The following DLG5 variants were observed in gnomAD, a reference collection of about 807,000 sequenced individuals.
DLG5 encodes disks large homolog 5.
DLG5 carries 48 observed loss-of-function variants against 189.8 expected under a neutral mutation model. That is an observed-to-expected ratio of 0.25 (90% CI 0.20 to 0.32). The LOEUF (loss-of-function observed/expected upper bound fraction) is 0.32, where lower values mean the gene tolerates loss of function less well. Among genes scored for constraint, DLG5 ranks in the 10% least tolerant of loss-of-function variants. The pLI is 1.00. For synonymous variants in DLG5, 1,016 were observed against 1,054.1 expected (o/e 0.96, Z 0.70); for missense variants, 2,160 against 2,544.7 (o/e 0.85, Z 3.25).
intron 1 of DLG5, among the ~76,000 whole-genome samples, chr10:77,877,266 C>T (rs576583572): frequency 3.3e-5 from 5 of 151,598 alleles, no homozygotes; most frequent in East Asian, 3.9e-4. Context: ...ACCCTTCACT[C>T]GCTAACTACA....
At chr10:77,921,656 C>CCA (rs1297701650) in intron 1 of DLG5, among the ~76,000 whole-genome samples, 11 of 152,326 alleles carry the variant, frequency 7.2e-5, no homozygotes, top group Non-Finnish European at 1.3e-4. Flanking sequence ...CCTACGCAGC[C>CCA]CACACGTCCT....
chr10:77,807,721 C>A, intron 25 of DLG5, 75 bp downstream of exon 25: 1 of 1,526,584 alleles, frequency 6.6e-7, no homozygotes, highest in Non-Finnish European at 8.9e-7. Flanking sequence ...GAGAGCCATT[C>A]ACCAGGAAAA....
At chr10:77,843,837 CT>C in intron 5 of DLG5, 131 bp from the exon 6 acceptor site, 1 of 1,169,804 alleles carries the variant, frequency 8.5e-7, no homozygotes, top group Non-Finnish European at 1.2e-6. Flanking sequence ...TACCCTAAAG[CT>C]TTTGAGAGTC....
At chr10:77,811,329 A>C (rs1433769220) in intron 22 of DLG5, 95 bp from the exon 23 acceptor site, 6 of 1,477,796 alleles carry the variant, frequency 4.1e-6, no homozygotes, top group Non-Finnish European at 4.6e-6. Context: ...ATAAATGGGG[A>C]CCAGGTCACA....
chr10:77,854,264 T>G lies in DLG5; in HGVS notation c.643A>C (p.Arg215=). The G allele has an allele frequency of 6.2e-7, 1 of 1,614,182 alleles. No homozygotes were observed. The highest frequency in any genetic ancestry group is 8.5e-7 in the Non-Finnish European group (1 of 1,180,030). The change falls in exon 4 of 32, where the codon AGG becomes CGG. Residue 215 remains arginine (R), a synonymous_variant. Transcript: ENST00000372391. ...GTCTCCTTGGCCACCTCCTCACACC[T>G]CTTCAAGGCGTTGGTGTGCTGGTTC... ...LQNQHTNALK[R]CEEVAKETDF... is the part of the protein sequence containing the mutation.
intron 2 of DLG5, chr10:77,868,271 C>CTG (rs1844768471): frequency 2.7e-6 from 1 of 369,280 alleles, no homozygotes; most frequent in Admixed American, 3.3e-5. Context: ...ACTGCAGCTA[C>CTG]TTATTTAACT....
At chr10:77,911,972 G>C (rs1334189571) in intron 1 of DLG5, among the ~76,000 whole-genome samples, 1 of 151,256 alleles carries the variant, frequency 6.6e-6, no homozygotes, top group Non-Finnish European at 1.5e-5. Flanking sequence ...GCTGAGGAGG[G>C]AGGATCACTT....
chr10:77,918,789 C>T (rs554045601), intron 1 of DLG5, among the ~76,000 whole-genome samples: 4 of 152,328 alleles, frequency 2.6e-5, no homozygotes, highest in South Asian at 2.1e-4. Flanking sequence ...CAGGCCAACA[C>T]GCAGCTCAGC....
rs556024339 is a variant in DLG5 at position 77,791,367 on chromosome 10, G to A, written c.*1073C>T. On this transcript the variant is annotated 3_prime_UTR_variant, in exon 32 of 32. Coordinates refer to ENST00000372391, the MANE Select transcript of DLG5 (RefSeq NM_004747.4). The stretch of plus-strand genomic sequence containing the variant: ...GCAAAAAAAAAAAAAGCCCCCAAAC[G>A]AAGACACCCACACTGAGTAGGGTGC... 2 of 148,772 alleles carry A rather than the reference G, an allele frequency of 1.3e-5. No individual in the cohort carries two copies. Among genetic ancestry groups the A allele is most frequent in the East Asian group, 3.9e-4 (2 of 5,098 alleles). 9.2% of individuals were successfully genotyped at this position (148,772 alleles called of 1,614,324 possible).
In DLG5 at chr10:77,887,906, G is replaced by C. The variant is rs200740092; in HGVS notation, c.305-18709C>G. 2.6e-5 allele frequency among the ~76,000 whole-genome samples: 4 copies of C among 152,280 alleles called. No homozygotes were observed. In the East Asian group the frequency reaches 5.8e-4, roughly 22 times the overall value. On this transcript the variant is annotated intron_variant, in intron 1 of 31. Transcript: ENST00000372391. Reference sequence around the variant, plus strand: ...GCAGCAGCCGTGCCTACAGCCAGCCGGCGATTTTCATCTGAAAAACTCAGA... The same window carrying C: ...GCAGCAGCCGTGCCTACAGCCAGCCCGCGATTTTCATCTGAAAAACTCAGA...
intron 19 of DLG5, 122 bp downstream of exon 19, chr10:77,816,885 C>A: frequency 7.2e-7 from 1 of 1,388,038 alleles, no homozygotes; most frequent in South Asian, 1.2e-5. Context: ...CTGCTGGGCT[C>A]AGTGAATTTT....
chr10:77,812,055 G>A lies in DLG5; in HGVS notation c.4191C>T (p.Phe1397=), dbSNP rs1372995130. The change falls in exon 22 of 32, where the codon TTC becomes TTT. Residue 1397 remains phenylalanine, a splice_region_variant and synonymous_variant. Coordinates refer to ENST00000372391, the MANE Select transcript of DLG5 (RefSeq NM_004747.4). ...GLEYGDQLLE[F]NGINLRSATE... is the part of the protein sequence containing the mutation. ...TGGCGCTCCGCAGGTTTATGCCGTTGAACTGGGGAAACACCAGGATGGGCT... is the reference window on the plus strand; with the variant it reads ...TGGCGCTCCGCAGGTTTATGCCGTTAAACTGGGGAAACACCAGGATGGGCT... 1.9e-6 allele frequency: 3 copies of A among 1,609,522 alleles called. No homozygotes were observed. Among genetic ancestry groups the A allele is most frequent in the South Asian group, 1.1e-5 (1 of 91,084 alleles).
At chr10:77,846,465 G>A (rs1056680735) in intron 5 of DLG5, among the ~76,000 whole-genome samples, 8 of 152,140 alleles carry the variant, frequency 5.3e-5, no homozygotes, top group South Asian at 4.1e-4. Flanking sequence ...TTGGGAGGCC[G>A]AGGTGAGCAG....
chr10:77,805,972 A>C lies in DLG5; in HGVS notation c.4968-111T>G, dbSNP rs1420707519. The C allele has an allele frequency of 8.4e-6, 9 of 1,077,330 alleles. No homozygotes were observed. In the Admixed American group the frequency reaches 1.4e-4, roughly 16 times the overall value. 66.7% of individuals were successfully genotyped at this position (1,077,330 alleles called of 1,614,324 possible). A position where few individuals can be genotyped will look rare whatever the true frequency, so the allele number is the denominator to read the frequency against. Reference sequence around the variant, plus strand: ...GTGGGCCAGACACTGGGCTCCCCCCACACTCCTTGGCAGGTCTCAAGGCTA... The same window carrying C: ...GTGGGCCAGACACTGGGCTCCCCCCCCACTCCTTGGCAGGTCTCAAGGCTA... On this transcript the variant is annotated intron_variant, in intron 26 of 31. Coordinates refer to ENST00000372391, the MANE Select transcript of DLG5 (RefSeq NM_004747.4).
intron 13 of DLG5, among the ~76,000 whole-genome samples, chr10:77,827,510 GCCACCGTGCC>G (rs1486171266): frequency 6.6e-6 from 1 of 152,168 alleles, no homozygotes; most frequent in Non-Finnish European, 1.5e-5. Flanking sequence ...ACGGGCGTGA[GCCACCGTGCC>G]CCGCTGGCAT....
At position 77,833,894 on chromosome 10, in the gene DLG5, G is replaced by A. The variant is rs184673682; in HGVS notation, c.1748+20C>T. Reference sequence around the variant, plus strand: ...CTCCCAGATGCATGCCCACTCCAGCGGGTGCCCACCCGAGCCTACTTGAGC... The same window carrying A: ...CTCCCAGATGCATGCCCACTCCAGCAGGTGCCCACCCGAGCCTACTTGAGC... On this transcript the variant is annotated intron_variant, in intron 9 of 31. Coordinates refer to ENST00000372391, the MANE Select transcript of DLG5 (RefSeq NM_004747.4). The A allele has an allele frequency of 9.1e-4, 1,457 of 1,604,296 alleles. 26 individuals are homozygous for A. In the East Asian group the frequency reaches 0.03, roughly 33 times the overall value.
At chr10:77,880,605 A>C (rs984180488) in intron 1 of DLG5, among the ~76,000 whole-genome samples, 2 of 152,064 alleles carry the variant, frequency 1.3e-5, no homozygotes, top group African/African-American at 4.8e-5. Context: ...CTGAATCTGC[A>C]CTCCACCTAC....
rs752523826 is a variant in DLG5, at chr10:77,926,373, C to T, written c.148G>A (p.Gly50Ser). 6.3e-7 allele frequency: 1 copy of T among 1,597,148 alleles called. No individual in the cohort carries two copies. Among genetic ancestry groups the T allele is most frequent in the Non-Finnish European group, 8.5e-7 (1 of 1,173,936 alleles). ...TTGAGCAGCAGCTCCGCCTTGGCGC[C>T]TCCCGCCTCCTCGTCCAGCTGCCGC... is the stretch of plus-strand genomic sequence containing the variant. ...ERRQLDEEAG[G>S]AKAELLLKLL... The change falls in exon 1 of 32, where the codon GGC (glycine) becomes AGC (serine). Residue 50 changes from glycine (G) to serine (S), a missense_variant. Around this residue, in one of 5 missense-constraint regions of DLG5, gnomAD observed 664 missense variants for 838.5 expected, o/e 0.79. Transcript: ENST00000372391. This position sits in a 1 kb window ranked among gnomAD's most constrained non-coding sequence, Gnocchi z 5.2.
chr10:77,854,042 C>T (rs181987229), intron 4 of DLG5, among the ~76,000 whole-genome samples, 185 bp downstream of exon 4: 2 of 152,352 alleles, frequency 1.3e-5, no homozygotes, highest in African/African-American at 4.8e-5. Context: ...GGATTAATAG[C>T]CTTGTTTTAC....
Sources: gnomAD v4.1 joint callset for allele counts (sites outside exome capture counted in the v4.1 genomes callset) on GRCh38, gnomAD v4.1.1 for gene constraint, gnomAD v4.1.1 regional missense constraint, Gnocchi (gnomAD v3.1) non-coding constraint, MANE v1.5 for transcripts, NCBI Gene and HGNC (gene_info 2026-07-23, HGNC 2026-07-21) for gene names.